Variants in LRRC4C observed in about 807,000 individuals in gnomAD.
LRRC4C encodes leucine-rich repeat-containing protein 4C.
In LRRC4C, 5 loss-of-function variants were observed where a neutral mutation model predicts 33.6. The observed-to-expected ratio is 0.15, with a 90% CI of 0.08 to 0.31. The LOEUF (loss-of-function observed/expected upper bound fraction) is 0.31, where lower values mean the gene tolerates loss of function less well. Among genes scored for constraint, LRRC4C ranks in the 10% least tolerant of loss-of-function variants. The pLI, the probability that LRRC4C is intolerant of heterozygous loss-of-function variation, is 1.00. For missense variants in LRRC4C, 560 were observed against 796.7 expected (o/e 0.70, Z 3.58); for synonymous variants, 329 against 302.0 (o/e 1.09, Z -0.93).
chr11:41,297,895 TC>T (rs1231417597), intron 1 of LRRC4C, among the ~76,000 whole-genome samples: 5 of 152,178 alleles, frequency 3.3e-5, no homozygotes, highest in Admixed American at 6.5e-5. Flanking sequence ...CTTTTATATT[TC>T]ACTATTACCT....
At chr11:40,628,575 T>C (rs1963185040) in intron 3 of LRRC4C, among the ~76,000 whole-genome samples, 1 of 152,182 alleles carries the variant, frequency 6.6e-6, no homozygotes, top group African/African-American at 2.4e-5. Flanking sequence ...CATTTTTTTC[T>C]AATATGCAGT....
intron 3 of LRRC4C, among the ~76,000 whole-genome samples, chr11:40,581,721 G>A (rs577178744): frequency 2.0e-5 from 3 of 152,198 alleles, no homozygotes; most frequent in Non-Finnish European, 4.4e-5. Context: ...GGCCAGCATG[G>A]TGAAACCCTG....
At chr11:40,348,797 A>G (rs1232117194) in intron 3 of LRRC4C, among the ~76,000 whole-genome samples, 7 of 152,240 alleles carry the variant, frequency 4.6e-5, no homozygotes, top group Non-Finnish European at 1.0e-4. Context: ...TAGTGAAGAC[A>G]CAAAGTAAAG....
At chr11:41,343,711 A>G in intron 1 of LRRC4C, among the ~76,000 whole-genome samples, 1 of 152,230 alleles carries the variant, frequency 6.6e-6, no homozygotes, top group East Asian at 1.9e-4. Flanking sequence ...ACTAATGCAC[A>G]TTAATAAAAT....
chr11:40,188,982 A>G (rs1433027185), intron 5 of LRRC4C, among the ~76,000 whole-genome samples: 2 of 152,184 alleles, frequency 1.3e-5, no homozygotes, highest in African/African-American at 4.8e-5. Flanking sequence ...GTGTTCTAGC[A>G]TTAGGGAAAA....
chr11:41,219,668 T>A (rs1338517652), intron 1 of LRRC4C, among the ~76,000 whole-genome samples: 1 of 152,184 alleles, frequency 6.6e-6, no homozygotes, highest in Non-Finnish European at 1.5e-5. Flanking sequence ...CAACAATAGA[T>A]TAGAAATTTT....
chr11:41,189,383 C>A (rs534438265), intron 1 of LRRC4C, among the ~76,000 whole-genome samples: 1 of 151,930 alleles, frequency 6.6e-6, no homozygotes, highest in African/African-American at 2.4e-5. Context: ...ATAGACCTTG[C>A]GGATTATGTG....
chr11:40,733,128 TA>T (rs1466751137), intron 2 of LRRC4C, among the ~76,000 whole-genome samples: 3 of 125,344 alleles, frequency 2.4e-5, no homozygotes, highest in Admixed American at 1.1e-4. Context: ...CAGGCTGGAG[TA>T]GCGTGGCGAG....
At chr11:40,208,785 T>C (rs1208798416) in intron 5 of LRRC4C, among the ~76,000 whole-genome samples, 1 of 152,212 alleles carries the variant, frequency 6.6e-6, no homozygotes, top group Admixed American at 6.5e-5. Flanking sequence ...TAGTTCCCTA[T>C]TGATGTTTTC....
At chr11:41,448,629 C>T (rs1955918615) in intron 1 of LRRC4C, among the ~76,000 whole-genome samples, 1 of 152,094 alleles carries the variant, frequency 6.6e-6, no homozygotes, top group South Asian at 2.1e-4. Context: ...AACTTTAAAT[C>T]TTATTCTTAT....
chr11:40,981,721 C>A (rs950667730), intron 1 of LRRC4C, among the ~76,000 whole-genome samples: 5 of 152,170 alleles, frequency 3.3e-5, no homozygotes, highest in Non-Finnish European at 5.9e-5. Context: ...CACTGGTAAA[C>A]CCAATATACC....
intron 1 of LRRC4C, among the ~76,000 whole-genome samples, chr11:41,177,242 G>C (rs1945245425): frequency 6.6e-6 from 1 of 152,182 alleles, no homozygotes; most frequent in Non-Finnish European, 1.5e-5. Flanking sequence ...CAAGAAGAGT[G>C]TATGTTCATC....
chr11:40,807,022 T>G (rs1415055926), intron 2 of LRRC4C, among the ~76,000 whole-genome samples: 1 of 152,186 alleles, frequency 6.6e-6, no homozygotes, highest in Non-Finnish European at 1.5e-5. Context: ...TTATATTATA[T>G]TTTTAATGAC....
chr11:41,074,408 G>T (rs909574292), intron 1 of LRRC4C, among the ~76,000 whole-genome samples: 1 of 152,064 alleles, frequency 6.6e-6, no homozygotes, highest in African/African-American at 2.4e-5. Flanking sequence ...TTCTGTATTA[G>T]ATTTTTCATA....
At chr11:40,267,264 C>T (rs1942344039) in intron 4 of LRRC4C, among the ~76,000 whole-genome samples, 1 of 152,140 alleles carries the variant, frequency 6.6e-6, no homozygotes, top group African/African-American at 2.4e-5. Flanking sequence ...TAAGTTGTAA[C>T]TGAATTACTG....
chr11:40,594,826 G>A (rs1959194619), intron 3 of LRRC4C, among the ~76,000 whole-genome samples: 1 of 151,992 alleles, frequency 6.6e-6, no homozygotes, highest in South Asian at 2.1e-4. Flanking sequence ...TTATGTTTTT[G>A]TAGAAATATT....
intron 3 of LRRC4C, among the ~76,000 whole-genome samples, chr11:40,501,501 A>G (rs1204460155): frequency 2.0e-5 from 3 of 152,108 alleles, no homozygotes; most frequent in African/African-American, 7.2e-5. Flanking sequence ...AGGTCCCCAA[A>G]CCTCAATTCA....
chr11:40,755,902 C>G (rs1948924480), intron 2 of LRRC4C, among the ~76,000 whole-genome samples: 1 of 151,988 alleles, frequency 6.6e-6, no homozygotes, highest in Non-Finnish European at 1.5e-5. Flanking sequence ...AGTCTGAACC[C>G]CCAGTATTTC....
At chr11:40,238,156 G>A (rs1865693000) in intron 5 of LRRC4C, among the ~76,000 whole-genome samples, 1 of 152,144 alleles carries the variant, frequency 6.6e-6, no homozygotes, top group Non-Finnish European at 1.5e-5. Flanking sequence ...CAAAAGAGAT[G>A]GGAGTGATAT....
Sources: gnomAD v4.1 joint callset for allele counts (sites outside exome capture counted in the v4.1 genomes callset) on GRCh38, gnomAD v4.1.1 for gene constraint, MANE v1.5 for transcripts, NCBI Gene and HGNC (gene_info 2026-07-23, HGNC 2026-07-21) for gene names.